XIST: variants seen among roughly 807,000 people sequenced by gnomAD.
XIST encodes the protein X inactive specific transcript (non-protein coding).
chrX:73,850,389 C>T (rs1277743308), exon 1 of XIST: 1 of 537,366 alleles, frequency 1.9e-6, no homozygotes, highest in Non-Finnish European at 3.3e-6. Context: ...CAAATAAAGC[C>T]TCTTAATACA....
At chrX:73,822,589 C>T (rs1321451422) in exon 6 of XIST, 1 of 510,645 alleles carries the variant, frequency 2.0e-6, no homozygotes, top group Non-Finnish European at 3.5e-6. Flanking sequence ...AGTGTCTTTT[C>T]GTCATGATTT....
exon 1 of XIST, chrX:73,850,698 A>AGGGGGGTAGGGGGGTG: frequency 4.4e-6 from 1 of 227,059 alleles, no homozygotes; most frequent in Non-Finnish European, 7.9e-6. Flanking sequence ...GTAGGGGGGT[A>AGGGGGGTAGGGGGGTG]GGGGGGTAGG....
At chrX:73,836,631 C>T (rs753715288) in intron 2 of XIST, among the ~76,000 whole-genome samples, 2 of 111,675 alleles carry the variant, frequency 1.8e-5, no homozygotes, top group Non-Finnish European at 1.9e-5. Flanking sequence ...TATCTCCTTG[C>T]TCTTGTCAAC....
exon 1 of XIST, chrX:73,846,569 A>C: frequency 3.6e-6 from 2 of 558,519 alleles, no homozygotes. Flanking sequence ...TTACGCACAT[A>C]AATGTCCAAG....
At chrX:73,836,149 A>G (rs1922478207) in intron 2 of XIST, among the ~76,000 whole-genome samples, 1 of 111,429 alleles carries the variant, frequency 9.0e-6, no homozygotes, top group Non-Finnish European at 1.9e-5. Flanking sequence ...GCTCTTAGAA[A>G]AAAACGGAAA....
At chrX:73,820,916 G>A in exon 6 of XIST, 1 of 559,162 alleles carries the variant, frequency 1.8e-6, no homozygotes, top group Non-Finnish European at 3.2e-6. Context: ...TTAATTCCTT[G>A]TGTCTGCATA....
exon 6 of XIST, chrX:73,826,850 T>C (rs1228415624): frequency 1.8e-6 from 1 of 558,975 alleles, no homozygotes; most frequent in Non-Finnish European, 3.2e-6. Context: ...GTCGTTGGCC[T>C]TGTGTCACAA....
At chrX:73,852,055 A>G (rs1922958256) in exon 1 of XIST, 4 of 544,638 alleles carry the variant, frequency 7.3e-6, no homozygotes, top group Non-Finnish European at 1.3e-5. Flanking sequence ...GATGGGCCAG[A>G]AAAACAAAAA....
intron 3 of XIST, among the ~76,000 whole-genome samples, chrX:73,831,895 C>A (rs997891064): frequency 8.9e-6 from 1 of 112,223 alleles, no homozygotes; most frequent in African/African-American, 3.2e-5. Context: ...TAGTGCCATG[C>A]CATAATATTG....
intron 2 of XIST, chrX:73,837,308 A>AT: frequency 2.6e-6 from 1 of 379,826 alleles, no homozygotes; most frequent in Non-Finnish European, 4.6e-6. Flanking sequence ...CTAAACACTC[A>AT]TAAACCCAAT....
At chrX:73,851,446 G>C (rs1354537309) in exon 1 of XIST, 1 of 558,976 alleles carries the variant, frequency 1.8e-6, no homozygotes, top group South Asian at 2.2e-5. Context: ...CGCCCATCAT[G>C]ATGTGGCCTT....
chrX:73,824,012 G>A (rs982898890), exon 6 of XIST: 5 of 552,835 alleles, frequency 9.0e-6, no homozygotes, highest in Non-Finnish European at 1.6e-5. Flanking sequence ...TCTGTTGTAG[G>A]TTCAATAATG....
rs1352343961 is a variant in XIST at position 73,842,695 on chromosome X, A to T, written n.10029T>A. On this transcript the variant is annotated non_coding_transcript_exon_variant, in exon 1 of 6. Transcript: ENST00000429829. ...TCAGAAGCAATGCGAAAGGAAGTAGAGGGGTTCATGTATAATGGGTGGGAC... is the reference window on the plus strand; with the variant it reads ...TCAGAAGCAATGCGAAAGGAAGTAGTGGGGTTCATGTATAATGGGTGGGAC... 5.4e-6 allele frequency: 3 copies of T among 556,119 alleles called. No homozygotes were observed. The African/African-American group carries it at 6.8e-5, about 13-fold the overall frequency. 45.8% of individuals were successfully genotyped at this position (556,119 alleles called of 1,213,427 possible). A position where few individuals can be genotyped will look rare whatever the true frequency, so the allele number is the denominator to read the frequency against.
chrX:73,828,099 A>G, intron 5 of XIST: 1 of 439,704 alleles, frequency 2.3e-6, no homozygotes. Flanking sequence ...GATAAAAAAA[A>G]TCAAAAAGTG....
At chrX:73,824,348 A>T in exon 6 of XIST, 1 of 531,110 alleles carries the variant, frequency 1.9e-6, no homozygotes, top group South Asian at 2.4e-5. Context: ...ATACAATTTT[A>T]TAAACCTAGT....
chrX:73,845,031 T>C (rs749822641), exon 1 of XIST: 3 of 554,206 alleles, frequency 5.4e-6, no homozygotes, highest in Non-Finnish European at 9.7e-6. Context: ...GCCTTGGTTA[T>C]CAGCACACCT....
At chrX:73,839,415 C>G (rs974984036) in intron 1 of XIST, among the ~76,000 whole-genome samples, 4 of 111,441 alleles carry the variant, frequency 3.6e-5, no homozygotes, top group Non-Finnish European at 7.6e-5. Context: ...TTTTCCAAAT[C>G]ACAAAATGTC....
rs755308671 is a variant in XIST at position 73,827,406 on chromosome X, A to G, written n.12495T>C. 5 of 555,262 alleles carry G rather than the reference A, an allele frequency of 9.0e-6. No individual in the cohort carries two copies. The South Asian group carries it at 9.0e-5, about 10-fold the overall frequency. 45.8% of individuals were successfully genotyped at this position (555,262 alleles called of 1,213,427 possible). On this transcript the variant is annotated non_coding_transcript_exon_variant, in exon 6 of 6. Transcript: ENST00000429829. ...GGCTGAAATACTCAAAGGTGAGTAG[A>G]AAGGGAAGAAGCAGAGAACAAATAC...
chrX:73,827,220 A>G lies in XIST; in HGVS notation n.12681T>C, dbSNP rs201015236. On this transcript the variant is annotated non_coding_transcript_exon_variant, in exon 6 of 6. Coordinates refer to ENST00000429829, the Ensembl canonical transcript of XIST. ...GCCTGGCATAAGGAACCGCTCCACA[A>G]TGCTTGCTCTGATAGCCGACGTTCT... 504 of 556,295 alleles carry G rather than the reference A, an allele frequency of 9.1e-4. 1 individual carries two copies. Among genetic ancestry groups the G allele is most frequent in the Non-Finnish European group, 1.4e-3 (436 of 308,942 alleles). 45.8% of individuals were successfully genotyped at this position (556,295 alleles called of 1,213,427 possible).
Sources: allele counts gnomAD v4.1 joint callset (sites outside exome capture counted in the v4.1 genomes callset), GRCh38; gene constraint gnomAD v4.1.1; transcripts MANE v1.5; gene names NCBI Gene and HGNC (gene_info 2026-07-23, HGNC 2026-07-21).